Variants in CASP10 observed in about 807,000 individuals in gnomAD.
The protein encoded by CASP10 is caspase 10, also known as caspase-10.
A neutral mutation model predicts 48.5 loss-of-function variants in CASP10; 41 were observed. The ratio of observed to expected loss-of-function variants is 0.85; its 90% CI spans 0.66 to 1.10. The LOEUF (loss-of-function observed/expected upper bound fraction) is 1.10. CASP10 is among the 50% of genes least tolerant of loss of function. The pLI is 0.00. For missense variants in CASP10, 614 were observed against 614.5 expected (o/e 1.00, Z 0.01); for synonymous variants, 232 against 238.4 (o/e 0.97, Z 0.25).
chr2:201,183,670 A>T (rs1279091563), intron 1 of CASP10, among the ~76,000 whole-genome samples: 1 of 152,198 alleles, frequency 6.6e-6, no homozygotes, highest in Non-Finnish European at 1.5e-5. Flanking sequence ...CCCCTGGATT[A>T]TCACATTAAA....
chr2:201,202,120 G>A (rs1368823058), intron 5 of CASP10, among the ~76,000 whole-genome samples: 2 of 152,148 alleles, frequency 1.3e-5, no homozygotes, highest in Non-Finnish European at 2.9e-5. Flanking sequence ...CAAAGTGCTG[G>A]GATTACAGGC....
intron 7 of CASP10, among the ~76,000 whole-genome samples, chr2:201,207,485 G>A (rs561111068): frequency 2.0e-5 from 3 of 151,516 alleles, no homozygotes; most frequent in South Asian, 2.1e-4. Context: ...TCGGCTGGGC[G>A]CGGTGGCTCA....
At position 201,209,572 on chromosome 2, in the gene CASP10, CT is replaced by C. The variant is rs749295497; in HGVS notation, c.1415+18del. The C allele has an allele frequency of 2.8e-5, 45 of 1,595,612 alleles. No individual in the cohort carries two copies. Among genetic ancestry groups the C allele is most frequent in the South Asian group, 6.9e-5 (6 of 86,916 alleles). Reference sequence around the variant, plus strand: ...AGAAATTGGTCCCAAGGTGAGAGCTCTTTTTTTTCTTCCATTTGTAATTAAT... The same window carrying C: ...AGAAATTGGTCCCAAGGTGAGAGCTCTTTTTTTCTTCCATTTGTAATTAAT... On this transcript the variant is annotated intron_variant, in intron 9 of 9. Coordinates refer to ENST00000286186, the MANE Select transcript of CASP10 (RefSeq NM_032977.4).
At position 201,218,368 on chromosome 2, in the gene CASP10, T is replaced by C; in HGVS notation, c.*627T>C. 1.0e-6 allele frequency: 1 copy of C among 954,488 alleles called. No individual in the cohort carries two copies. Among genetic ancestry groups the C allele is most frequent in the Non-Finnish European group, 1.2e-6 (1 of 800,834 alleles). 59.1% of individuals were successfully genotyped at this position (954,488 alleles called of 1,614,324 possible). A position where few individuals can be genotyped will look rare whatever the true frequency, so the allele number is the denominator to read the frequency against. On this transcript the variant is annotated 3_prime_UTR_variant, in exon 10 of 10. Coordinates refer to ENST00000286186, the MANE Select transcript of CASP10 (RefSeq NM_032977.4). ...CCTGGGCTGGAGTGCAGTGGTGGGA[T>C]CACTGTTCACTGCAGCCTTGACCTC...
intron 5 of CASP10, among the ~76,000 whole-genome samples, chr2:201,197,783 C>T (rs1192508131): frequency 6.6e-6 from 1 of 152,158 alleles, no homozygotes; most frequent in African/African-American, 2.4e-5. Context: ...CTGCTGCCAC[C>T]TTTTGACTAT....
chr2:201,222,486 A>T (rs1945738166), downstream of CASP10, among the ~76,000 whole-genome samples: 1 of 152,204 alleles, frequency 6.6e-6, no homozygotes, highest in Admixed American at 6.5e-5. Flanking sequence ...CAATGGAATG[A>T]ACCATTGTGT....
Position 201,217,828 on chromosome 2 carries a change from C to T in CASP10, c.*87C>T. The stretch of plus-strand genomic sequence containing the variant: ...TGCCCAGCACAGGAATCGGTGGTCT[C>T]CACCTGTCATTCTAGAAACAGGAAA... On this transcript the variant is annotated 3_prime_UTR_variant, in exon 10 of 10. Coordinates refer to ENST00000286186, the MANE Select transcript of CASP10 (RefSeq NM_032977.4). 6.2e-7 allele frequency: 1 copy of T among 1,611,378 alleles called. No individual in the cohort carries two copies. The highest frequency in any genetic ancestry group is 1.1e-5 in the South Asian group (1 of 90,530).
chr2:201,197,107 A>G (rs972158810), intron 5 of CASP10, among the ~76,000 whole-genome samples: 1 of 150,850 alleles, frequency 6.6e-6, no homozygotes, highest in East Asian at 1.9e-4. Flanking sequence ...AACTGAATTT[A>G]AGTGACAGCA....
rs1576062020 is a variant in CASP10, at chr2:201,186,233, C to T, written c.347+109C>T. 10 of 787,092 alleles carry T rather than the reference C, an allele frequency of 1.3e-5. No individual in the cohort carries two copies. In the East Asian group the frequency reaches 2.1e-4, roughly 16 times the overall value. The allele number at this position is 787,092 out of a possible 1,614,324, so 48.8% of individuals were successfully genotyped here. On this transcript the variant is annotated intron_variant, in intron 2 of 9. Transcript: ENST00000286186. ...TTAAGATCTTTTGGTTATCTACCTC[C>T]TTGGATGATAAACCAGGAGATTCTA...
intron 3 of CASP10, among the ~76,000 whole-genome samples, chr2:201,188,547 C>G (rs1944494867): frequency 6.6e-6 from 1 of 152,182 alleles, no homozygotes; most frequent in Non-Finnish European, 1.5e-5. Flanking sequence ...CCCCAAATCT[C>G]TTTCTTTTTC....
chr2:201,189,216 T>C (rs944906053), intron 3 of CASP10, among the ~76,000 whole-genome samples: 10 of 152,092 alleles, frequency 6.6e-5, no homozygotes, highest in Non-Finnish European at 1.5e-4. Flanking sequence ...ATCCATTATT[T>C]GGTTACCCAG....
rs1418013171 is a variant in CASP10 at position 201,217,804 on chromosome 2, G to A, written c.*63G>A. 7 of 1,612,850 alleles carry A rather than the reference G, an allele frequency of 4.3e-6. No individual in the cohort carries two copies. The highest frequency in any genetic ancestry group is 5.9e-6 in the Non-Finnish European group (7 of 1,179,348). ...CATTGGCTATAACCTCCAGCCTCCT[G>A]CCCAGCACAGGAATCGGTGGTCTCC... On this transcript the variant is annotated 3_prime_UTR_variant, in exon 10 of 10. Transcript: ENST00000286186.
chr2:201,196,649 T>A (rs1241656077), intron 5 of CASP10, among the ~76,000 whole-genome samples: 4 of 152,232 alleles, frequency 2.6e-5, no homozygotes, highest in Non-Finnish European at 5.9e-5. Flanking sequence ...TGGGAAATGT[T>A]TTGTTTTTGT....
chr2:201,210,756 G>A (rs1486972943), intron 9 of CASP10, among the ~76,000 whole-genome samples: 3 of 152,226 alleles, frequency 2.0e-5, no homozygotes, highest in Admixed American at 1.3e-4. Flanking sequence ...GGGGACAGGG[G>A]GTGCAACTGT....
chr2:201,190,687 G>A (rs1023156681), intron 3 of CASP10, among the ~76,000 whole-genome samples: 2 of 152,074 alleles, frequency 1.3e-5, no homozygotes, highest in African/African-American at 2.4e-5. Context: ...AACAATATGA[G>A]GTGGCGGGTG....
At chr2:201,201,743 T>A (rs1429749858) in intron 5 of CASP10, among the ~76,000 whole-genome samples, 1 of 152,072 alleles carries the variant, frequency 6.6e-6, no homozygotes, top group East Asian at 1.9e-4. Flanking sequence ...TCCCTCTCCA[T>A]CAAATGATGA....
At chr2:201,187,898 G>A in intron 3 of CASP10, 99 bp downstream of exon 3, 2 of 861,848 alleles carry the variant, frequency 2.3e-6, no homozygotes, top group Non-Finnish European at 3.9e-6. Flanking sequence ...TTTTTTATGG[G>A]AGACAGTATC....
Position 201,218,526 on chromosome 2 carries a change from TC to T in CASP10, c.*787del, listed in dbSNP as rs1945642703. The T allele has an allele frequency of 2.3e-6, 2 of 886,600 alleles. No individual in the cohort carries two copies. The highest frequency in any genetic ancestry group is 1.0e-4 in the South Asian group (2 of 19,200). 54.9% of individuals were successfully genotyped at this position (886,600 alleles called of 1,614,324 possible). ...TATGTTGCCTAAGCTGGTCTCAAAC[TC>T]CTGGGCTCAAGCGATCCTCCCACCT... On this transcript the variant is annotated 3_prime_UTR_variant, in exon 10 of 10. Transcript: ENST00000286186.
intron 5 of CASP10, among the ~76,000 whole-genome samples, chr2:201,198,942 T>A (rs1289947831): frequency 6.6e-6 from 1 of 152,244 alleles, no homozygotes; most frequent in East Asian, 1.9e-4. Flanking sequence ...TTCAATTTTA[T>A]AGAAAAGTTG....
Sources: allele counts gnomAD v4.1 joint callset (sites outside exome capture counted in the v4.1 genomes callset), GRCh38; gene constraint gnomAD v4.1.1; transcripts MANE v1.5; gene names NCBI Gene and HGNC (gene_info 2026-07-23, HGNC 2026-07-21).